Variants in AGMO observed in about 807,000 individuals in gnomAD.
The protein encoded by AGMO is glyceryl-ether monooxygenase.
Under a neutral mutation model 60.2 loss-of-function variants are expected in AGMO, and 75 were observed. The ratio of observed to expected loss-of-function variants is 1.25; its 90% CI spans 1.03 to 1.51. AGMO has a LOEUF of 1.51. Ranked by LOEUF, AGMO falls within the 40% of genes most tolerant of loss-of-function variation. AGMO has a pLI of 0.00. For missense variants in AGMO, 763 were observed against 525.5 expected (o/e 1.45, Z -4.42); for synonymous variants, 261 against 177.1 (o/e 1.47, Z -3.76).
intron 10 of AGMO, among the ~76,000 whole-genome samples, chr7:15,371,459 C>A (rs1046753786): frequency 6.6e-6 from 1 of 151,848 alleles, no homozygotes; most frequent in East Asian, 1.9e-4. Context: ...GGCGCCATCT[C>A]GGCTCACTGC....
intron 12 of AGMO, 124 bp downstream of exon 12, chr7:15,365,390 A>AAAAAAAAAAAAAAAAAAAAAAAAAAAC (rs1397858865): frequency 2.1e-6 from 1 of 475,774 alleles, no homozygotes; most frequent in Non-Finnish European, 3.6e-6. Context: ...TAAAAAAAAA[A>AAAAAAAAAAAAAAAAAAAAAAAAAAAC]AAAAAGATCA....
At chr7:15,386,233 C>G (rs1456880867) in intron 9 of AGMO, among the ~76,000 whole-genome samples, 1 of 151,974 alleles carries the variant, frequency 6.6e-6, no homozygotes, top group Non-Finnish European at 1.5e-5. Flanking sequence ...AATCATGCTT[C>G]AAAGAAAAAT....
Position 15,547,679 on chromosome 7 carries a change from T to G in AGMO, c.258-2756A>C, listed in dbSNP as rs572263866. On this transcript the variant is annotated intron_variant, in intron 2 of 12. Transcript: ENST00000342526. ...CGGAGGGTCCTACGCCCACGGAGTC[T>G]CGCTGATTGCTAGCACAGCAGTCTG... 1.1e-3 allele frequency among the ~76,000 whole-genome samples: 162 copies of G among 152,086 alleles called. 3 individuals are homozygous for G. In the Middle Eastern group the frequency reaches 0.037, roughly 35 times the overall value.
At chr7:15,237,166 G>T (rs1782447628) in intron 12 of AGMO, among the ~76,000 whole-genome samples, 1 of 152,178 alleles carries the variant, frequency 6.6e-6, no homozygotes. Context: ...ACACCAGACA[G>T]TAGACAGAGA....
chr7:15,483,853 C>T (rs1320861508), intron 3 of AGMO, among the ~76,000 whole-genome samples: 1 of 151,988 alleles, frequency 6.6e-6, no homozygotes, highest in Non-Finnish European at 1.5e-5. Context: ...TATAAAGATT[C>T]AGGGGACCAT....
chr7:15,229,929 G>A (rs942989140), intron 12 of AGMO, among the ~76,000 whole-genome samples: 2 of 151,336 alleles, frequency 1.3e-5, no homozygotes, highest in African/African-American at 4.8e-5. Flanking sequence ...TTGTGCCTCC[G>A]ATTGTCATCT....
chr7:15,265,574 T>A (rs979415545), intron 12 of AGMO, among the ~76,000 whole-genome samples: 4 of 151,890 alleles, frequency 2.6e-5, no homozygotes. Context: ...AAAACCACAG[T>A]GAGATTCTAT....
the AGMO span, among the ~76,000 whole-genome samples, chr7:15,170,907 A>C: frequency 2.0e-5 from 3 of 152,092 alleles, no homozygotes; most frequent in African/African-American, 7.2e-5. Flanking sequence ...ATTTTGTAGA[A>C]TGTTACTATA....
intron 12 of AGMO, among the ~76,000 whole-genome samples, chr7:15,354,500 A>ACACACGCGTGTG (rs1554422803): frequency 6.4e-5 from 1 of 15,716 alleles, no homozygotes. Context: ...ACACGTGTAT[A>ACACACGCGTGTG]TATATATATA....
intron 3 of AGMO, among the ~76,000 whole-genome samples, chr7:15,455,804 G>A (rs2128507050): frequency 6.6e-6 from 1 of 152,096 alleles, no homozygotes; most frequent in Middle Eastern, 3.4e-3. Context: ...CAGTTGACCT[G>A]ATTTTGTTCA....
At chr7:15,224,091 G>T (rs1471309973) in intron 12 of AGMO, among the ~76,000 whole-genome samples, 1 of 151,816 alleles carries the variant, frequency 6.6e-6, no homozygotes, top group Non-Finnish European at 1.5e-5. Context: ...ATTAAATGAA[G>T]AAGTCAGAGA....
At chr7:15,305,564 G>A (rs1780590650) in intron 12 of AGMO, among the ~76,000 whole-genome samples, 2 of 151,862 alleles carry the variant, frequency 1.3e-5, no homozygotes, top group Admixed American at 6.6e-5. Flanking sequence ...TATTAAATAT[G>A]AGTAACAATT....
intron 3 of AGMO, among the ~76,000 whole-genome samples, chr7:15,540,704 A>C (rs763713875): frequency 1.3e-5 from 2 of 152,222 alleles, no homozygotes; most frequent in Non-Finnish European, 2.9e-5. Context: ...GTATAAGGTC[A>C]CATATTTATA....
intron 3 of AGMO, among the ~76,000 whole-genome samples, chr7:15,443,877 C>A (rs994035422): frequency 1.3e-5 from 2 of 152,138 alleles, no homozygotes; most frequent in Non-Finnish European, 2.9e-5. Flanking sequence ...TTTTCATGGT[C>A]CCCTCTCCTT....
intron 12 of AGMO, among the ~76,000 whole-genome samples, chr7:15,352,847 A>T (rs1280727071): frequency 1.3e-5 from 2 of 152,076 alleles, no homozygotes; most frequent in Non-Finnish European, 2.9e-5. Context: ...CAAAAACAAA[A>T]GCTAAAAATT....
At chr7:15,257,333 C>T (rs1330365890) in intron 12 of AGMO, among the ~76,000 whole-genome samples, 9 of 151,968 alleles carry the variant, frequency 5.9e-5, no homozygotes, top group Admixed American at 5.9e-4. Context: ...CTACTATGGA[C>T]ATATTAATAT....
At chr7:15,262,826 TG>T (rs1455321366) in intron 12 of AGMO, among the ~76,000 whole-genome samples, 1 of 151,758 alleles carries the variant, frequency 6.6e-6, no homozygotes, top group East Asian at 1.9e-4. Flanking sequence ...AAACATAAAG[TG>T]GAAAAGGTTA....
intron 5 of AGMO, among the ~76,000 whole-genome samples, chr7:15,399,986 C>G (rs918698946): frequency 6.6e-6 from 1 of 152,078 alleles, no homozygotes; most frequent in Non-Finnish European, 1.5e-5. Context: ...TTGATTTTTC[C>G]AATGAGTTTT....
At chr7:15,225,765 A>G (rs1583306542) in intron 12 of AGMO, among the ~76,000 whole-genome samples, 2 of 152,126 alleles carry the variant, frequency 1.3e-5, no homozygotes, top group East Asian at 3.9e-4. Context: ...ATCTTTGTTC[A>G]TAAAATATTT....
Sources: allele counts gnomAD v4.1 joint callset (sites outside exome capture counted in the v4.1 genomes callset), GRCh38; gene constraint gnomAD v4.1.1; transcripts MANE v1.5; gene names NCBI Gene and HGNC (gene_info 2026-07-23, HGNC 2026-07-21).